The following KCNMA1 variants were observed in gnomAD, a reference collection of about 807,000 sequenced individuals.
KCNMA1 encodes Calcium-activated potassium channel subunit alpha-1.
Under a neutral mutation model 140.0 loss-of-function variants are expected in KCNMA1, and 29 were observed. That is an observed-to-expected ratio of 0.21 (90% CI 0.15 to 0.28). The LOEUF is 0.28. Among genes scored for constraint, KCNMA1 ranks in the 10% least tolerant of loss-of-function variants. KCNMA1 has a pLI of 1.00. For missense variants in KCNMA1, 880 were observed against 1,602.2 expected (o/e 0.55, Z 7.70); for synonymous variants, 612 against 611.9 (o/e 1.00, Z 0.00).
intron 1 of KCNMA1, among the ~76,000 whole-genome samples, chr10:77,529,355 C>T (rs1160168518): frequency 6.6e-6 from 1 of 151,940 alleles, no homozygotes; most frequent in East Asian, 2.0e-4. Flanking sequence ...CTCAGCCAGC[C>T]TAGCTCCTCT....
rs58490256 is a variant in KCNMA1, at chr10:76,969,300, G to GGGAAGGAAGGAAGGGA, written c.2360+673_2360+674insTCCCTTCCTTCCTTCC. ...GGGGAAGAAGGGAAGGAAGGAAGGA[G>GGGAAGGAAGGAAGGGA]GGAAGGAAGGAAGGAAGGAAGGAAG... On this transcript the variant is annotated intron_variant, in intron 20 of 27. Transcript: ENST00000286628. 5.9e-4 allele frequency among the ~76,000 whole-genome samples: 64 copies of GGGAAGGAAGGAAGGGA among 109,356 alleles called. 1 individual carries two copies. Among genetic ancestry groups the GGGAAGGAAGGAAGGGA allele is most frequent in the African/African-American group, 2.0e-3 (57 of 29,170 alleles). The allele number at this position is 109,356 out of a possible 152,430, so 71.7% of individuals were successfully genotyped here.
chr10:77,159,440 G>T (rs1488853533), intron 5 of KCNMA1, among the ~76,000 whole-genome samples: 2 of 152,050 alleles, frequency 1.3e-5, no homozygotes, highest in African/African-American at 4.8e-5. Context: ...AGTGAGCAAA[G>T]TTCCCAGAGC....
intron 23 of KCNMA1, among the ~76,000 whole-genome samples, chr10:76,921,095 G>T (rs1015207405): frequency 6.6e-6 from 1 of 152,146 alleles, no homozygotes; most frequent in Non-Finnish European, 1.5e-5. Flanking sequence ...GAAGGTAAGT[G>T]CTTCTCCCAC....
intron 20 of KCNMA1, among the ~76,000 whole-genome samples, chr10:76,966,462 T>C (rs1271778554): frequency 6.6e-6 from 1 of 152,210 alleles, no homozygotes; most frequent in Non-Finnish European, 1.5e-5. Flanking sequence ...GTGTACTTTT[T>C]ATTTTTTCCT....
At chr10:77,019,184 T>G in intron 16 of KCNMA1, 85 bp from the exon 17 acceptor site, 1 of 796,882 alleles carries the variant, frequency 1.3e-6, no homozygotes, top group Non-Finnish European at 2.2e-6. Context: ...ACCATACTGT[T>G]GTGTTTATAG....
chr10:77,196,639 T>C (rs1027117890), intron 3 of KCNMA1, among the ~76,000 whole-genome samples: 4 of 152,216 alleles, frequency 2.6e-5, no homozygotes, highest in African/African-American at 9.7e-5. Flanking sequence ...CCCCAGATTG[T>C]AGAAGATCAG....
chr10:77,588,581 A>G (rs2077992175), intron 1 of KCNMA1, among the ~76,000 whole-genome samples: 1 of 152,240 alleles, frequency 6.6e-6, no homozygotes, highest in Non-Finnish European at 1.5e-5. Flanking sequence ...GTCCCGTGCT[A>G]GGCCTGGATT....
Position 77,542,448 on chromosome 10 carries a change from G to C in KCNMA1, c.378+94817C>G, listed in dbSNP as rs562976329. On this transcript the variant is annotated intron_variant, in intron 1 of 27. Coordinates refer to ENST00000286628, the MANE Select transcript of KCNMA1 (RefSeq NM_001161352.2). ...ATCTCAGCACTGGAAAGAATCTTAG[G>C]GGAAACTTAAAATGGATCCCAGACT... 2.0e-5 allele frequency among the ~76,000 whole-genome samples: 3 copies of C among 152,192 alleles called. 1 individual carries two copies. The highest frequency in any genetic ancestry group is 1.3e-4 in the Admixed American group (2 of 15,282).
At position 76,870,005 on chromosome 10, in the gene KCNMA1, T is replaced by A. The variant is rs181403169; in HGVS notation, c.*7864A>T. 2.6e-5 allele frequency: 4 copies of A among 152,766 alleles called. No individual in the cohort carries two copies. The East Asian group carries it at 7.7e-4, about 29-fold the overall frequency. The allele number at this position is 152,766 out of a possible 1,614,324, so 9.5% of individuals were successfully genotyped here. On this transcript the variant is annotated 3_prime_UTR_variant, in exon 28 of 28. Coordinates refer to the KCNMA1 transcript ENST00000604624. ...GTGGTGGGATGTGGGCCAGAAGTTT[T>A]AGGCAGGATGTGATTGTGCCACCTG... is the stretch of plus-strand genomic sequence containing the variant.
chr10:77,449,082 GAA>G (rs373023965), intron 1 of KCNMA1, among the ~76,000 whole-genome samples: 1 of 121,620 alleles, frequency 8.2e-6, no homozygotes. Flanking sequence ...GCAAGACTCC[GAA>G]AAAAAAAAAA....
chr10:77,506,823 A>AAGAG lies in KCNMA1; in HGVS notation c.379-102804_379-102801dup, dbSNP rs147091712. 8.8e-3 allele frequency among the ~76,000 whole-genome samples: 784 copies of AAGAG among 88,940 alleles called. 3 individuals carry two copies. The highest frequency in any genetic ancestry group is 0.027 in the Middle Eastern group (4 of 146). The allele number at this position is 88,940 out of a possible 152,430, so 58.3% of individuals were successfully genotyped here. A position where few individuals can be genotyped will look rare whatever the true frequency, so the allele number is the denominator to read the frequency against. On this transcript the variant is annotated intron_variant, in intron 1 of 27. Coordinates refer to ENST00000286628, the MANE Select transcript of KCNMA1 (RefSeq NM_001161352.2). Reference sequence around the variant, plus strand: ...AGAAAGATGTTCCGAGAGAGAGAGAAAGAGAGAGAGAGAGAGAGTGTGTGT... The same window carrying AAGAG: ...AGAAAGATGTTCCGAGAGAGAGAGAAAGAGAGAGAGAGAGAGAGAGAGTGTGTGT...
chr10:77,381,098 A>G (rs2095366792), intron 2 of KCNMA1, among the ~76,000 whole-genome samples: 1 of 152,126 alleles, frequency 6.6e-6, no homozygotes, highest in Non-Finnish European at 1.5e-5. Context: ...TGGGTCTATG[A>G]GACCCATTCA....
At chr10:77,617,970 C>T (rs1396403679) in intron 1 of KCNMA1, among the ~76,000 whole-genome samples, 3 of 152,134 alleles carry the variant, frequency 2.0e-5, no homozygotes, top group Admixed American at 2.0e-4. Flanking sequence ...TCCCAGGATC[C>T]CTTGCAGTTA....
At chr10:77,614,640 A>G (rs953307899) in intron 1 of KCNMA1, among the ~76,000 whole-genome samples, 3 of 152,184 alleles carry the variant, frequency 2.0e-5, no homozygotes, top group African/African-American at 2.4e-5. Flanking sequence ...TTCACCCTAC[A>G]TGTAATGGAA....
chr10:77,506,637 CAGAGAGGG>C (rs2046097960), intron 1 of KCNMA1, among the ~76,000 whole-genome samples: 1 of 35,838 alleles, frequency 2.8e-5, no homozygotes, highest in Non-Finnish European at 4.7e-5. Context: ...GGGAGAGAGA[CAGAGAGGG>C]AGAGAGAGAG....
At chr10:77,032,902 T>C (rs922965838) in intron 15 of KCNMA1, among the ~76,000 whole-genome samples, 1 of 152,208 alleles carries the variant, frequency 6.6e-6, no homozygotes, top group Admixed American at 6.5e-5. Flanking sequence ...CATTACTTGC[T>C]GGTGTTAATT....
At chr10:77,326,061 C>T (rs2084076661) in intron 2 of KCNMA1, among the ~76,000 whole-genome samples, 1 of 152,190 alleles carries the variant, frequency 6.6e-6, no homozygotes, top group Non-Finnish European at 1.5e-5. Flanking sequence ...CACCCTGTGC[C>T]TTACATGGGG....
downstream of KCNMA1, chr10:76,875,636 T>C (rs2032242845): frequency 6.6e-6 from 1 of 152,036 alleles, no homozygotes; most frequent in African/African-American, 2.4e-5. Flanking sequence ...CTCTAACAAA[T>C]TTGGAGGTGG....
intron 19 of KCNMA1, chr10:76,975,443 A>C (rs1284407007): frequency 6.6e-6 from 1 of 152,246 alleles, no homozygotes; most frequent in Non-Finnish European, 1.5e-5. Flanking sequence ...ATGGGAAAAC[A>C]ACCACAAAAA....
Sources: allele counts gnomAD v4.1 joint callset (sites outside exome capture counted in the v4.1 genomes callset), GRCh38; gene constraint gnomAD v4.1.1; transcripts MANE v1.5; gene names NCBI Gene and HGNC (gene_info 2026-07-23, HGNC 2026-07-21).